Variants in NRXN3 observed in about 807,000 individuals in gnomAD.
NRXN3 encodes neurexin III.
NRXN3 carries 32 observed loss-of-function variants against 137.6 expected under a neutral mutation model. The ratio of observed to expected loss-of-function variants is 0.23; its 90% CI spans 0.18 to 0.31. NRXN3 has a LOEUF of 0.31. Ranked by LOEUF, NRXN3 falls within the 10% of genes least tolerant of loss-of-function variation. The probability of loss-of-function intolerance (pLI) is 1.00; values close to 1 mark genes in which losing one functional copy is unlikely to be tolerated. For synonymous variants in NRXN3, 798 were observed against 784.5 expected (o/e 1.02, Z -0.29); for missense variants, 1,574 against 2,062.5 (o/e 0.76, Z 4.59).
intron 2 of NRXN3, among the ~76,000 whole-genome samples, chr14:78,262,559 A>G (rs574633238): frequency 6.6e-6 from 1 of 152,270 alleles, no homozygotes; most frequent in Non-Finnish European, 1.5e-5. Context: ...TCCCACCCAT[A>G]GTGCCATAGA....
chr14:79,223,557 T>C (rs2070215000), intron 15 of NRXN3, among the ~76,000 whole-genome samples: 1 of 150,674 alleles, frequency 6.6e-6, no homozygotes, highest in South Asian at 2.2e-4. Flanking sequence ...GGGAATGTCA[T>C]GTTTTTAAAT....
intron 4 of NRXN3, among the ~76,000 whole-genome samples, chr14:78,494,775 G>A (rs1007900502): frequency 6.6e-6 from 1 of 152,086 alleles, no homozygotes; most frequent in Non-Finnish European, 1.5e-5. Flanking sequence ...AAATGCATTG[G>A]TATTAAAAAT....
chr14:79,287,334 T>C (rs1050602377), intron 15 of NRXN3, among the ~76,000 whole-genome samples: 1 of 152,204 alleles, frequency 6.6e-6, no homozygotes. Flanking sequence ...CAACACATTA[T>C]AGCAAATCAT....
At chr14:79,579,151 T>C (rs1376694326) in intron 16 of NRXN3, among the ~76,000 whole-genome samples, 3 of 151,654 alleles carry the variant, frequency 2.0e-5, no homozygotes, top group Non-Finnish European at 4.4e-5. Context: ...AACACAGACT[T>C]CTTTTTTTCT....
chr14:79,170,620 G>A (rs1473192637), intron 15 of NRXN3, among the ~76,000 whole-genome samples: 1 of 151,800 alleles, frequency 6.6e-6, no homozygotes, highest in Middle Eastern at 3.4e-3. Flanking sequence ...ACTTTTTTTT[G>A]TTGTTGTTGG....
intron 15 of NRXN3, among the ~76,000 whole-genome samples, chr14:79,286,596 G>A (rs2082300235): frequency 6.7e-6 from 1 of 148,968 alleles, no homozygotes; most frequent in Non-Finnish European, 1.5e-5. Flanking sequence ...TAAATCCTAA[G>A]CAAAGCATTC....
At chr14:79,630,898 G>T (rs907148426) in intron 16 of NRXN3, among the ~76,000 whole-genome samples, 1 of 152,194 alleles carries the variant, frequency 6.6e-6, no homozygotes, top group Non-Finnish European at 1.5e-5. Context: ...GAGAATGCTT[G>T]AGCTTAAAGA....
chr14:78,777,297 G>A (rs1212773675), intron 8 of NRXN3, among the ~76,000 whole-genome samples: 1 of 152,250 alleles, frequency 6.6e-6, no homozygotes, highest in African/African-American at 2.4e-5. Flanking sequence ...CAGAACAAAA[G>A]TGAAGGTTTG....
chr14:79,620,948 A>G (rs1362421615), intron 16 of NRXN3, among the ~76,000 whole-genome samples: 2 of 152,118 alleles, frequency 1.3e-5, no homozygotes, highest in African/African-American at 4.8e-5. Context: ...GTAGGAGGAG[A>G]AAAGTAAAGG....
At chr14:78,286,197 C>T (rs1382295664) in intron 3 of NRXN3, among the ~76,000 whole-genome samples, 5 of 152,164 alleles carry the variant, frequency 3.3e-5, no homozygotes, top group Admixed American at 2.6e-4. Context: ...CCTGACCCTG[C>T]CAAATGGGCG....
intron 15 of NRXN3, among the ~76,000 whole-genome samples, chr14:79,050,281 T>C (rs1228568641): frequency 6.6e-6 from 1 of 152,192 alleles, no homozygotes; most frequent in Non-Finnish European, 1.5e-5. Flanking sequence ...AAACTCTAAT[T>C]CATTAACGTC....
At chr14:79,444,422 C>T (rs61993141) in intron 15 of NRXN3, among the ~76,000 whole-genome samples, 12,205 of 152,218 alleles carry the variant, frequency 0.08, 637 homozygotes, top group Middle Eastern at 0.13. Flanking sequence ...TTGTCGCGCT[C>T]CCCTTGGATA....
intron 15 of NRXN3, among the ~76,000 whole-genome samples, chr14:79,339,391 A>T (rs1206310762): frequency 2.0e-5 from 3 of 152,166 alleles, no homozygotes; most frequent in African/African-American, 7.2e-5. Flanking sequence ...CTAAAACCTT[A>T]CTCCAAAGTA....
intron 4 of NRXN3, among the ~76,000 whole-genome samples, chr14:78,640,211 T>A (rs1299641980): frequency 6.6e-6 from 1 of 152,216 alleles, no homozygotes; most frequent in Non-Finnish European, 1.5e-5. Context: ...TAAACCTCAC[T>A]ATATCCAGGA....
At chr14:79,600,124 G>T (rs995229522) in intron 16 of NRXN3, among the ~76,000 whole-genome samples, 1 of 152,232 alleles carries the variant, frequency 6.6e-6, no homozygotes, top group Admixed American at 6.5e-5. Flanking sequence ...TGGACTAAAA[G>T]GTGGAGGAGC....
chr14:79,563,639 G>T (rs2097522592), intron 16 of NRXN3, among the ~76,000 whole-genome samples: 1 of 149,280 alleles, frequency 6.7e-6, no homozygotes, highest in African/African-American at 2.5e-5. Flanking sequence ...ATTCTATCAG[G>T]GATGAGCTTC....
At chr14:78,935,026 G>A (rs757189340) in intron 10 of NRXN3, among the ~76,000 whole-genome samples, 8 of 152,086 alleles carry the variant, frequency 5.3e-5, no homozygotes, top group African/African-American at 1.9e-4. Context: ...CTCACCTCCT[G>A]TGCTTCCCTG....
rs181751152 is a variant in NRXN3, at chr14:79,182,625, G to T, written c.3262+194484G>T. On this transcript the variant is annotated intron_variant, in intron 15 of 20. Coordinates refer to ENST00000335750, the MANE Select transcript of NRXN3 (RefSeq NM_001330195.2). ...ATGAAGCTTTGCTTGCTCACCTGCT[G>T]CTCACCTCCTGCTGTGTGGCCCCAG... Among the ~76,000 whole-genome samples, 290 of 152,284 alleles carry T rather than the reference G, an allele frequency of 1.9e-3. 1 individual carries two copies. Among genetic ancestry groups the T allele is most frequent in the African/African-American group, 6.7e-3 (279 of 41,566 alleles).
At chr14:78,776,432 A>G (rs925255488) in intron 8 of NRXN3, among the ~76,000 whole-genome samples, 4 of 152,176 alleles carry the variant, frequency 2.6e-5, no homozygotes, top group African/African-American at 4.8e-5. Flanking sequence ...ACCCGAGCAG[A>G]TAATAGTATT....
Sources: allele counts gnomAD v4.1 joint callset (sites outside exome capture counted in the v4.1 genomes callset), GRCh38; gene constraint gnomAD v4.1.1; transcripts MANE v1.5; gene names NCBI Gene and HGNC (gene_info 2026-07-23, HGNC 2026-07-21).